Variants in AGBL4 observed in about 807,000 individuals in gnomAD.
AGBL4 encodes cytosolic carboxypeptidase 6.
A neutral mutation model predicts 66.4 loss-of-function variants in AGBL4; 58 were observed. The ratio of observed to expected loss-of-function variants is 0.87; its 90% CI spans 0.71 to 1.09. The LOEUF (loss-of-function observed/expected upper bound fraction) is 1.09, where lower values mean the gene tolerates loss of function less well. Ranked by LOEUF, AGBL4 falls within the 50% of genes least tolerant of loss-of-function variation. The pLI, the probability that AGBL4 is intolerant of heterozygous loss-of-function variation, is 0.00. For missense variants in AGBL4, 579 were observed against 631.0 expected (o/e 0.92, Z 0.88); for synonymous variants, 234 against 222.9 (o/e 1.05, Z -0.44).
intron 3 of AGBL4, among the ~76,000 whole-genome samples, chr1:49,568,649 A>C (rs1282088620): frequency 6.6e-6 from 1 of 152,156 alleles, no homozygotes; most frequent in East Asian, 1.9e-4. Context: ...CTAAAAAAAA[A>C]CAAAAAGTAT....
chr1:48,558,369 C>T (rs1365426961), intron 11 of AGBL4, among the ~76,000 whole-genome samples: 1 of 152,172 alleles, frequency 6.6e-6, no homozygotes, highest in Non-Finnish European at 1.5e-5. Flanking sequence ...TTTTCCTGCT[C>T]TTAATGTATT....
At chr1:48,792,339 A>G (rs1160444534) in intron 6 of AGBL4, among the ~76,000 whole-genome samples, 3 of 152,194 alleles carry the variant, frequency 2.0e-5, no homozygotes, top group Non-Finnish European at 4.4e-5. Context: ...TTGGACTTGT[A>G]TCAACAACAG....
chr1:49,943,830 G>C (rs1197829555), intron 1 of AGBL4, among the ~76,000 whole-genome samples: 1 of 152,030 alleles, frequency 6.6e-6, no homozygotes, highest in Admixed American at 6.6e-5. Flanking sequence ...GGCTTCACAG[G>C]CAGGGAAGCA....
chr1:49,836,358 G>C (rs1645849222), intron 2 of AGBL4, among the ~76,000 whole-genome samples: 1 of 151,948 alleles, frequency 6.6e-6, no homozygotes. Flanking sequence ...TTTTCCGCTT[G>C]ATCAATTCAT....
chr1:49,295,090 C>T (rs1482346336), intron 3 of AGBL4, among the ~76,000 whole-genome samples: 1 of 152,186 alleles, frequency 6.6e-6, no homozygotes, highest in Non-Finnish European at 1.5e-5. Flanking sequence ...ATTCCAGCAT[C>T]CATGTCTTTG....
chr1:49,858,824 T>C (rs1646495838), intron 1 of AGBL4, among the ~76,000 whole-genome samples: 1 of 152,170 alleles, frequency 6.6e-6, no homozygotes, highest in South Asian at 2.1e-4. Flanking sequence ...AAGACCAGCC[T>C]GGCCAACATG....
At chr1:48,685,788 C>T (rs1557877931) in intron 6 of AGBL4, among the ~76,000 whole-genome samples, 1 of 152,074 alleles carries the variant, frequency 6.6e-6, no homozygotes. Flanking sequence ...ACTGAATTAC[C>T]AAAATAATTA....
intron 4 of AGBL4, among the ~76,000 whole-genome samples, chr1:49,075,866 T>A (rs1346571356): frequency 6.6e-6 from 1 of 152,232 alleles, no homozygotes; most frequent in African/African-American, 2.4e-5. Flanking sequence ...AATCCTGTAT[T>A]CTTAATGGTC....
intron 4 of AGBL4, among the ~76,000 whole-genome samples, chr1:49,153,123 C>A (rs77965250): frequency 6.6e-6 from 1 of 152,120 alleles, no homozygotes; most frequent in Non-Finnish European, 1.5e-5. Context: ...TTCTCCACTA[C>A]AAGGTTTAGG....
chr1:49,514,556 CA>C (rs1649589085), intron 3 of AGBL4, among the ~76,000 whole-genome samples: 1 of 151,752 alleles, frequency 6.6e-6, no homozygotes. Context: ...CATATGGAAC[CA>C]AAAAAGAGCC....
At chr1:49,577,863 T>A (rs1235199833) in intron 3 of AGBL4, among the ~76,000 whole-genome samples, 1 of 152,202 alleles carries the variant, frequency 6.6e-6, no homozygotes, top group Non-Finnish European at 1.5e-5. Context: ...AAGTTCTCCA[T>A]AAGGCCGTGT....
At chr1:48,549,280 TC>T (rs1295690457) in intron 11 of AGBL4, among the ~76,000 whole-genome samples, 6 of 152,206 alleles carry the variant, frequency 3.9e-5, no homozygotes, top group Non-Finnish European at 8.8e-5. Flanking sequence ...CAATGAAATA[TC>T]TTTTGTCTCT....
In AGBL4 at chr1:49,691,808, G is replaced by A. The variant is rs142536917; in HGVS notation, c.282+5505C>T. On this transcript the variant is annotated intron_variant, in intron 3 of 13. Coordinates refer to ENST00000371839, the MANE Select transcript of AGBL4 (RefSeq NM_032785.4). ...AAGCAGGCAGAAAAATGTGAAAAGA[G>A]AGACTGGACTAGTCTCCCAGCTTGC... Among the ~76,000 whole-genome samples, 519 of 152,186 alleles carry A rather than the reference G, an allele frequency of 3.4e-3. 1 individual carries two copies. The highest frequency in any genetic ancestry group is 0.012 in the African/African-American group (489 of 41,514).
intron 1 of AGBL4, among the ~76,000 whole-genome samples, chr1:49,922,512 G>C (rs919317768): frequency 2.0e-5 from 3 of 152,262 alleles, no homozygotes; most frequent in Admixed American, 2.0e-4. Context: ...GGAAGTCAAA[G>C]TATCCCTGCT....
chr1:48,836,042 G>A (rs537985741), intron 6 of AGBL4, among the ~76,000 whole-genome samples: 1 of 152,178 alleles, frequency 6.6e-6, no homozygotes, highest in East Asian at 1.9e-4. Flanking sequence ...TGGTTCCAGG[G>A]ACACCAGTTA....
intron 6 of AGBL4, among the ~76,000 whole-genome samples, chr1:48,722,190 C>G (rs1383530709): frequency 1.3e-5 from 2 of 152,042 alleles, no homozygotes; most frequent in Non-Finnish European, 2.9e-5. Context: ...GTATTTTAAA[C>G]ACAACTTGTA....
At chr1:49,618,750 C>T (rs181216504) in intron 3 of AGBL4, among the ~76,000 whole-genome samples, 12 of 152,276 alleles carry the variant, frequency 7.9e-5, no homozygotes, top group Admixed American at 7.2e-4. Context: ...AATCCAGCAA[C>T]ACATCAAAAA....
intron 3 of AGBL4, among the ~76,000 whole-genome samples, chr1:49,262,804 G>A (rs1460185136): frequency 6.6e-6 from 1 of 152,048 alleles, no homozygotes; most frequent in African/African-American, 2.4e-5. Context: ...CCCATTACTG[G>A]GTATATACCC....
At chr1:49,991,937 G>T (rs1234703663) in intron 1 of AGBL4, among the ~76,000 whole-genome samples, 1 of 152,006 alleles carries the variant, frequency 6.6e-6, no homozygotes, top group Non-Finnish European at 1.5e-5. Context: ...CTATAAAATA[G>T]AAATTAATCT....
Sources: allele counts gnomAD v4.1 joint callset (sites outside exome capture counted in the v4.1 genomes callset), GRCh38; gene constraint gnomAD v4.1.1; transcripts MANE v1.5; gene names NCBI Gene and HGNC (gene_info 2026-07-23, HGNC 2026-07-21).